RPGR: variants seen among roughly 807,000 people sequenced by gnomAD.
RPGR encodes the protein X-linked retinitis pigmentosa GTPase regulator.
In RPGR, 10 loss-of-function variants were observed where a neutral mutation model predicts 56.3. That is an observed-to-expected ratio of 0.18 (90% confidence interval 0.11 to 0.30). The LOEUF (loss-of-function observed/expected upper bound fraction) is 0.30, where lower values mean the gene tolerates loss of function less well. Ranked by LOEUF, RPGR falls within the 10% of genes least tolerant of loss-of-function variation. The pLI, the probability that RPGR is intolerant of heterozygous loss-of-function variation, is 1.00. For synonymous variants in RPGR, 197 were observed against 212.9 expected (o/e 0.93, Z 0.65); for missense variants, 538 against 590.9 (o/e 0.91, Z 0.93).
At chrX:38,285,275 C>T (rs1378711530) in intron 15 of RPGR, 2 of 1,000,349 alleles carry the variant, frequency 2.0e-6, no homozygotes, top group African/African-American at 3.9e-5. Flanking sequence ...TGTTAATAAT[C>T]TGATATGACC....
At chrX:38,294,986 T>C (rs183538126) in intron 11 of RPGR, among the ~76,000 whole-genome samples, 27 of 112,340 alleles carry the variant, frequency 2.4e-4, no homozygotes, top group African/African-American at 8.7e-4. Flanking sequence ...CATCTCAAAG[T>C]AGAAATAGGA....
rs1009794868 is a variant in RPGR, at chrX:38,284,374, C to CGT, written c.1905+2719_1905+2720insAC. On this transcript the variant is annotated intron_variant, in intron 15 of 18. Transcript: ENST00000642395. ...CTAAAATTCAGTATCTAATACTAGA[C>CGT]AGTTTATCTTTTCATAAAGAATTTC... 3 of 591,865 alleles carry CGT rather than the reference C, an allele frequency of 5.1e-6. No homozygotes were observed. The Admixed American group carries it at 2.7e-4, about 53-fold the overall frequency. 48.8% of individuals were successfully genotyped at this position (591,865 alleles called of 1,213,427 possible). A position where few individuals can be genotyped will look rare whatever the true frequency, so the allele number is the denominator to read the frequency against.
rs762173989 is a variant in RPGR, at chrX:38,273,475, A to G, written c.2152T>C (p.Tyr718His). The G allele has an allele frequency of 4.1e-5, 49 of 1,185,167 alleles. No homozygotes were observed. Among genetic ancestry groups the G allele is most frequent in the Middle Eastern group, 4.7e-4 (2 of 4,258 alleles). ...CTGCTATCTGCATCATCAAGCATGT[A>G]TCCTACAATTGGATCATTCAGAAAT... The change falls in exon 18 of 19, where the codon TAC becomes CAC. Residue 718 changes from tyrosine to histidine, a missense_variant and splice_region_variant. Tyr to His is a moderately conservative substitution (Grantham distance 83). Around this residue, in one of 2 missense-constraint regions of RPGR, gnomAD observed 357 missense variants for 325.8 expected, o/e 1.10. Coordinates refer to ENST00000642395, the MANE Select transcript of RPGR (RefSeq NM_000328.3).
chrX:38,326,336 G>T (rs1166764405), intron 1 of RPGR, among the ~76,000 whole-genome samples: 1 of 112,109 alleles, frequency 8.9e-6, no homozygotes, highest in Admixed American at 9.4e-5. Context: ...ATATTTCAGT[G>T]AAGGTATGAT....
chrX:38,299,534 A>AT (rs920950077), intron 9 of RPGR, among the ~76,000 whole-genome samples: 5 of 111,726 alleles, frequency 4.5e-5, no homozygotes, highest in Admixed American at 3.8e-4. Context: ...CTACTAGAAG[A>AT]TTTTTTTTAA....
chrX:38,292,731 A>G (rs2067307244), intron 11 of RPGR, among the ~76,000 whole-genome samples: 2 of 112,550 alleles, frequency 1.8e-5, no homozygotes, highest in South Asian at 7.4e-4. Flanking sequence ...GCTGTTAAAA[A>G]ATTGTAATTG....
intron 15 of RPGR, chrX:38,284,887 T>C: frequency 4.0e-6 from 3 of 748,431 alleles, no homozygotes; most frequent in Non-Finnish European, 4.7e-6. Context: ...TTAATCACCA[T>C]TTCATTAGAT....
At chrX:38,297,490 G>A (rs760638388) in intron 10 of RPGR, 38 bp from the exon 11 acceptor site, 15 of 1,108,585 alleles carry the variant, frequency 1.4e-5, no homozygotes, top group African/African-American at 1.8e-5. Context: ...ATTTCATGAT[G>A]TTATATATTT....
At chrX:38,275,506 T>C (rs759762268) in intron 16 of RPGR, among the ~76,000 whole-genome samples, 1 of 112,215 alleles carries the variant, frequency 8.9e-6, no homozygotes, top group Admixed American at 9.5e-5. Context: ...CCTGAATTCA[T>C]AAATGTTCCC....
chrX:38,269,845 C>A lies in RPGR; in HGVS notation c.2242-13G>T. 1 of 1,102,715 alleles carries A rather than the reference C, an allele frequency of 9.1e-7. No individual in the cohort carries two copies. Among genetic ancestry groups the A allele is most frequent in the Non-Finnish European group, 1.2e-6 (1 of 800,532 alleles). 90.9% of individuals were successfully genotyped at this position (1,102,715 alleles called of 1,213,427 possible). A position where few individuals can be genotyped will look rare whatever the true frequency, so the allele number is the denominator to read the frequency against. ...TGAACAGAAAAATCTAGGAAAAAAA[C>A]CACACACACAAATATTCATTTCCAT... On this transcript the variant is annotated splice_polypyrimidine_tract_variant and intron_variant, in intron 18 of 18. Coordinates refer to ENST00000642395, the MANE Select transcript of RPGR (RefSeq NM_000328.3).
intron 15 of RPGR, among the ~76,000 whole-genome samples, chrX:38,280,777 C>T (rs2067015395): frequency 9.0e-6 from 1 of 111,334 alleles, no homozygotes; most frequent in Non-Finnish European, 1.9e-5. Flanking sequence ...TCAAGCAATC[C>T]TCCAGCCTCA....
intron 6 of RPGR, among the ~76,000 whole-genome samples, chrX:38,316,946 T>C (rs2067837601): frequency 8.9e-6 from 1 of 111,828 alleles, no homozygotes; most frequent in Non-Finnish European, 1.9e-5. Flanking sequence ...ATTACTAGTG[T>C]AGATAGATAT....
At position 38,285,933 on chromosome X, in the gene RPGR, TTCCACTTCCCCTTCC is replaced by T. The variant is rs1300993775; in HGVS notation, c.1905+1146_1905+1160del. 15 of 712,443 alleles carry T rather than the reference TTCCACTTCCCCTTCC, an allele frequency of 2.1e-5. No individual in the cohort carries two copies. In the African/African-American group the frequency reaches 4.3e-4, roughly 21 times the overall value. 58.7% of individuals were successfully genotyped at this position (712,443 alleles called of 1,213,427 possible). A position where few individuals can be genotyped will look rare whatever the true frequency, so the allele number is the denominator to read the frequency against. On this transcript the variant is annotated intron_variant, in intron 15 of 18. Coordinates refer to ENST00000642395, the MANE Select transcript of RPGR (RefSeq NM_000328.3). Reference sequence around the variant, plus strand: ...CTCCTTCCTCCCCTTCCACCTCCCCTTCCACTTCCCCTTCCTCTTCTTCCTCCCCTTCTCCCTCCC... The same window carrying T: ...CTCCTTCCTCCCCTTCCACCTCCCCTTCTTCTTCCTCCCCTTCTCCCTCCC...
chrX:38,290,415 C>A (rs927561506), intron 13 of RPGR, among the ~76,000 whole-genome samples: 2 of 111,834 alleles, frequency 1.8e-5, no homozygotes, highest in Admixed American at 9.5e-5. Flanking sequence ...CTCTTTCCTA[C>A]CCATGAACAG....
At chrX:38,304,546 A>C in intron 8 of RPGR, 89 bp downstream of exon 8, 1 of 740,908 alleles carries the variant, frequency 1.3e-6, no homozygotes, top group Non-Finnish European at 2.0e-6. Context: ...TCCTTTACTT[A>C]AGTTAGATAC....
Position 38,269,596 on chromosome X carries a change from C to T in RPGR, c.*30G>A. On this transcript the variant is annotated 3_prime_UTR_variant, in exon 19 of 19. Transcript: ENST00000642395. ...TTTTTCAAGTATACATTACAATACA[C>T]TTGGTGACTGTGAAAACATAAATAT... The T allele has an allele frequency of 9.4e-7, 1 of 1,063,149 alleles. No individual in the cohort carries two copies. The allele number at this position is 1,063,149 out of a possible 1,213,427, so 87.6% of individuals were successfully genotyped here. A position where few individuals can be genotyped will look rare whatever the true frequency, so the allele number is the denominator to read the frequency against.
Position 38,301,333 on chromosome X carries a change from C to T in RPGR, c.973G>A (p.Gly325Arg). 5.0e-6 allele frequency: 6 copies of T among 1,205,735 alleles called. No individual in the cohort carries two copies. The highest frequency in any genetic ancestry group is 1.8e-5 in the South Asian group (1 of 56,805). Residue 325 changes from glycine to arginine, a missense_variant, in exon 9 of 19, where the codon GGA becomes AGA. Physicochemically the swap from Gly to Arg is moderately radical, Grantham distance 125 (BLOSUM62 -2). Around this residue, in one of 2 missense-constraint regions of RPGR, gnomAD observed 181 missense variants for 265.1 expected, o/e 0.68. Coordinates refer to ENST00000642395, the MANE Select transcript of RPGR (RefSeq NM_000328.3). The stretch of plus-strand genomic sequence containing the variant: ...TTCTCCAGTCCAAGTCCTAATTTTC[C>T]GTGGCGACCATCTCCAAAAGTATAC...
chrX:38,312,018 C>T (rs887029642), intron 6 of RPGR, among the ~76,000 whole-genome samples: 3 of 111,583 alleles, frequency 2.7e-5, no homozygotes, highest in African/African-American at 6.5e-5. Flanking sequence ...AAATCTTATT[C>T]GTAAGTATAA....
chrX:38,295,802 C>T (rs898122004), intron 11 of RPGR, among the ~76,000 whole-genome samples: 2 of 111,394 alleles, frequency 1.8e-5, no homozygotes, highest in African/African-American at 6.5e-5. Flanking sequence ...ATTATCTGTT[C>T]CTAGTCCCTG....
Sources: allele counts gnomAD v4.1 joint callset (sites outside exome capture counted in the v4.1 genomes callset), GRCh38; gene constraint gnomAD v4.1.1; regional missense constraint gnomAD v4.1.1; transcripts MANE v1.5; gene names NCBI Gene and HGNC (gene_info 2026-07-23, HGNC 2026-07-21).